MINK1: variants seen among roughly 807,000 people sequenced by gnomAD.
MINK1 encodes misshapen like kinase 1.
A neutral mutation model predicts 178.4 loss-of-function variants in MINK1; 46 were observed. The ratio of observed to expected loss-of-function variants is 0.26; its 90% CI spans 0.20 to 0.33. The LOEUF (loss-of-function observed/expected upper bound fraction) is 0.33. Among genes scored for constraint, MINK1 ranks in the 10% least tolerant of loss-of-function variants. The probability of loss-of-function intolerance (pLI) is 1.00; values close to 1 mark genes in which losing one functional copy is unlikely to be tolerated. For missense variants in MINK1, 1,366 were observed against 1,814.9 expected, an observed-to-expected ratio of 0.75 and a Z score of 4.49; for synonymous variants, 797 against 709.7, an observed-to-expected ratio of 1.12 and a Z score of -1.96.
At chr17:4,855,052 C>G (rs1912799640) in intron 1 of MINK1, among the ~76,000 whole-genome samples, 1 of 151,884 alleles carries the variant, frequency 6.6e-6, no homozygotes, top group Non-Finnish European at 1.5e-5. Context: ...ACTAAAAATA[C>G]AAAAGATTAG....
Position 4,892,141 on chromosome 17 carries a change from C to T in MINK1, c.2002-8C>T, listed in dbSNP as rs747899070. 19 of 1,587,434 alleles carry T rather than the reference C, an allele frequency of 1.2e-5. No homozygotes were observed. Among genetic ancestry groups the T allele is most frequent in the Admixed American group, 3.5e-5 (2 of 56,726 alleles). ...GCCAGCTCGCAGCACGTGGACTTCT[C>T]TCCACAGGTGCCTCAGAGGACCTCA... On this transcript the variant is annotated splice_region_variant and splice_polypyrimidine_tract_variant and intron_variant, in intron 16 of 31. Transcript: ENST00000355280.
At chr17:4,866,795 C>T (rs1915045262) in intron 1 of MINK1, among the ~76,000 whole-genome samples, 7 of 151,048 alleles carry the variant, frequency 4.6e-5, no homozygotes, top group African/African-American at 7.3e-5. Flanking sequence ...AAAACTCGAT[C>T]GGGCGCGGTG....
intron 3 of MINK1, 21 bp downstream of exon 3, chr17:4,881,061 G>A (rs1248416269): frequency 6.5e-7 from 1 of 1,534,472 alleles, no homozygotes; most frequent in South Asian, 1.2e-5. Context: ...GAGCTGGGCA[G>A]TGGGAGGGTC....
intron 21 of MINK1, 180 bp from the exon 22 acceptor site, chr17:4,893,808 C>A: frequency 1.1e-6 from 1 of 891,266 alleles, no homozygotes; most frequent in Non-Finnish European, 1.7e-6. Flanking sequence ...CCTGTGCCAG[C>A]CTGCCCTGTG....
chr17:4,849,869 G>A (rs995234399), intron 1 of MINK1, among the ~76,000 whole-genome samples: 47 of 152,244 alleles, frequency 3.1e-4, no homozygotes, highest in Admixed American at 7.8e-4. Flanking sequence ...CACCGCGCCC[G>A]GCTGGTCTCA....
Position 4,883,730 on chromosome 17 carries a change from G to A in MINK1, c.307-633G>A, listed in dbSNP as rs1967939483. ...TTTTTTTTTTTTTTTAGTAGAGACA[G>A]GGTTTCACCGTGTTATCCAGGATGG... On this transcript the variant is annotated intron_variant, in intron 4 of 31. Transcript: ENST00000355280. Among the ~76,000 whole-genome samples the A allele has an allele frequency of 2.0e-5, 3 of 148,330 alleles. No homozygotes were observed. In the South Asian group the frequency reaches 6.4e-4, roughly 32 times the overall value.
At position 4,887,776 on chromosome 17, in the gene MINK1, C is replaced by T. The variant is rs1198604179; in HGVS notation, c.1216C>T (p.Arg406Cys). 1.6e-5 allele frequency: 24 copies of T among 1,521,826 alleles called. No individual in the cohort carries two copies. The highest frequency in any genetic ancestry group is 1.9e-5 in the Non-Finnish European group (22 of 1,132,764). The allele number at this position is 1,521,826 out of a possible 1,614,324, so 94.3% of individuals were successfully genotyped here. The change falls in exon 12 of 32, where the codon CGC (arginine) becomes TGC (cysteine). Residue 406 changes from arginine to cysteine, a missense_variant. Coordinates refer to ENST00000355280, the MANE Select transcript of MINK1 (RefSeq NM_153827.5). This position sits in a 1 kb window ranked among gnomAD's most constrained non-coding sequence, Gnocchi z 7.6. ...CATAGAGGAGCAGAAGGAGGAGCGG[C>T]GCCGCGTGGAGGAGGTGGGCTGTCT... ...RRIEEQKEER[R>C]RVEEQQRRER...
chr17:4,860,215 C>T (rs1567575974), intron 1 of MINK1, among the ~76,000 whole-genome samples: 1 of 152,188 alleles, frequency 6.6e-6, no homozygotes, highest in African/African-American at 2.4e-5. Context: ...GACCCCCAAG[C>T]CTCTGGTGCT....
intron 12 of MINK1, among the ~76,000 whole-genome samples, chr17:4,889,290 A>T (rs1567610943): frequency 6.6e-6 from 1 of 152,112 alleles, no homozygotes. Flanking sequence ...CCCGCTCTAT[A>T]TGGACTTCAG....
chr17:4,848,000 A>G (rs1269018397), intron 1 of MINK1, among the ~76,000 whole-genome samples: 2 of 152,236 alleles, frequency 1.3e-5, no homozygotes, highest in African/African-American at 2.4e-5. Context: ...TGGGCAACAT[A>G]GAGACCTCAT....
intron 12 of MINK1, among the ~76,000 whole-genome samples, chr17:4,888,952 G>GTAGTCCCT (rs1968498465): frequency 6.6e-6 from 1 of 151,884 alleles, no homozygotes; most frequent in African/African-American, 2.4e-5. Context: ...CACCTGCCTC[G>GTAGTCCCT]GCCTCCCAAA....
chr17:4,892,511 A>G lies in MINK1; in HGVS notation c.2197A>G (p.Ser733Gly). The change falls in exon 18 of 32, where the codon AGT (serine) becomes GGT (glycine). Residue 733 changes from serine (S) to glycine (G), a missense_variant and splice_region_variant. Ser to Gly is a moderately conservative substitution (Grantham distance 56). Transcript: ENST00000355280. Reference protein sequence around the residue: ...AQPPGPPNASSNPDLRRSDPG... With the variant: ...AQPPGPPNASGNPDLRRSDPG... ...GCCCCCTGGCCCGCCCAACGCCTCT[A>G]GGTAATAGAGTTGTCCCCCAACTCA... 3 of 1,553,804 alleles carry G rather than the reference A, an allele frequency of 1.9e-6. No individual in the cohort carries two copies. Among genetic ancestry groups the G allele is most frequent in the Non-Finnish European group, 2.6e-6 (3 of 1,146,792 alleles).
chr17:4,892,480 T>A lies in MINK1; in HGVS notation c.2166T>A (p.Pro722=). ...ERGTPKPPGP[P]AQPPGPPNAS... Reference sequence around the variant, plus strand: ...GCACCCCAAAGCCTCCAGGGCCCCCTGCTCAGCCCCCTGGCCCGCCCAACG... The same window carrying A: ...GCACCCCAAAGCCTCCAGGGCCCCCAGCTCAGCCCCCTGGCCCGCCCAACG... Residue 722 remains proline (P), a synonymous_variant, in exon 18 of 32, where the codon CCT becomes CCA. Transcript: ENST00000355280. 6.4e-7 allele frequency: 1 copy of A among 1,560,608 alleles called. No homozygotes were observed. The highest frequency in any genetic ancestry group is 8.7e-7 in the Non-Finnish European group (1 of 1,154,446).
chr17:4,880,814 G>A (rs1284617971), intron 2 of MINK1, among the ~76,000 whole-genome samples, 170 bp from the exon 3 acceptor site: 1 of 151,916 alleles, frequency 6.6e-6, no homozygotes, highest in Non-Finnish European at 1.5e-5. Flanking sequence ...GCAGGAGAAT[G>A]GCGTGAACCC....
At chr17:4,891,919 G>A (rs1341911586) in intron 16 of MINK1, among the ~76,000 whole-genome samples, 1 of 152,186 alleles carries the variant, frequency 6.6e-6, no homozygotes, top group African/African-American at 2.4e-5. Flanking sequence ...GCGTGGGAAC[G>A]GAGAAACGCC....
At chr17:4,851,758 T>C (rs1912000497) in intron 1 of MINK1, among the ~76,000 whole-genome samples, 1 of 152,084 alleles carries the variant, frequency 6.6e-6, no homozygotes, top group East Asian at 1.9e-4. Flanking sequence ...CCCAGCACTT[T>C]AGGAGGCCAA....
At chr17:4,846,730 G>A (rs920656408) in intron 1 of MINK1, among the ~76,000 whole-genome samples, 1 of 152,116 alleles carries the variant, frequency 6.6e-6, no homozygotes, top group Non-Finnish European at 1.5e-5. Flanking sequence ...GAGTGCAGCG[G>A]CATGATCATA....
In MINK1 at chr17:4,885,517, C is replaced by T. The variant is rs778809759; in HGVS notation, c.543C>T (p.Thr181=). The change falls in exon 7 of 32, where the codon ACC becomes ACT. Residue 181 remains threonine (T), a synonymous_variant. Coordinates refer to ENST00000355280, the MANE Select transcript of MINK1 (RefSeq NM_153827.5). This position sits in a 1 kb window ranked among gnomAD's most constrained non-coding sequence, Gnocchi z 5.0. ...GGGTGAGTGCTCAGCTGGACCGCAC[C>T]GTGGGCAGACGGAACACTTTCATTG... ...DFGVSAQLDR[T]VGRRNTFIGT... 1.5e-5 allele frequency: 24 copies of T among 1,613,888 alleles called. 1 individual carries two copies. The highest frequency in any genetic ancestry group is 4.5e-5 in the East Asian group (2 of 44,872).
At chr17:4,866,739 T>C (rs1238998104) in intron 1 of MINK1, among the ~76,000 whole-genome samples, 3 of 151,796 alleles carry the variant, frequency 2.0e-5, no homozygotes, top group Non-Finnish European at 2.9e-5. Context: ...GGCACTGCAC[T>C]CCAGCCTGGG....
Sources: gnomAD v4.1 joint callset for allele counts (sites outside exome capture counted in the v4.1 genomes callset) on GRCh38, gnomAD v4.1.1 for gene constraint, Gnocchi (gnomAD v3.1) non-coding constraint, MANE v1.5 for transcripts, NCBI Gene and HGNC (gene_info 2026-07-23, HGNC 2026-07-21) for gene names.